The following LARP1 variants were observed in gnomAD, a reference collection of about 807,000 sequenced individuals.
LARP1 encodes the protein La ribonucleoprotein 1, translational regulator.
A neutral mutation model predicts 122.7 loss-of-function variants in LARP1; 36 were observed. That is an observed-to-expected ratio of 0.29 (90% CI 0.22 to 0.39). The LOEUF (loss-of-function observed/expected upper bound fraction) is 0.39. Among genes scored for constraint, LARP1 ranks in the 10% least tolerant of loss-of-function variants. LARP1 has a pLI of 1.00. For synonymous variants in LARP1, 539 were observed against 528.7 expected, an observed-to-expected ratio of 1.02 and a Z score of -0.27; for missense variants, 1,040 against 1,403.6, an observed-to-expected ratio of 0.74 and a Z score of 4.14.
chr5:154,705,032 T>C (rs4958387), intron 1 of LARP1, among the ~76,000 whole-genome samples: 112,990 of 150,268 alleles, frequency 0.75, 42,818 homozygotes, highest in African/African-American at 0.86. Flanking sequence ...GAAGGAGAAT[T>C]ATGTGAACCT....
intron 16 of LARP1, among the ~76,000 whole-genome samples, chr5:154,810,038 C>T (rs1378399205): frequency 6.6e-6 from 1 of 152,112 alleles, no homozygotes; most frequent in Non-Finnish European, 1.5e-5. Flanking sequence ...TATATTACTC[C>T]ATTGTATAGA....
At chr5:154,704,373 G>A (rs113575886) in intron 1 of LARP1, among the ~76,000 whole-genome samples, 3,464 of 152,230 alleles carry the variant, frequency 0.023, 133 homozygotes, top group African/African-American at 0.078. Context: ...CAGGCTGGGC[G>A]TGGTGGCTCA....
chr5:154,704,850 G>T (rs1005418140), intron 1 of LARP1, among the ~76,000 whole-genome samples: 1 of 152,088 alleles, frequency 6.6e-6, no homozygotes, highest in African/African-American at 2.4e-5. Flanking sequence ...GGGCATAGTG[G>T]CTCACGCCTG....
chr5:154,700,539 A>G (rs929990636), intron 1 of LARP1, among the ~76,000 whole-genome samples: 1 of 152,128 alleles, frequency 6.6e-6, no homozygotes, highest in African/African-American at 2.4e-5. Flanking sequence ...CTCAAATGAA[A>G]TAAAATATTG....
At position 154,811,572 on chromosome 5, in the gene LARP1, T is replaced by A. The variant is rs1295716070; in HGVS notation, c.3013T>A (p.Leu1005Met). 6.2e-7 allele frequency: 1 copy of A among 1,614,156 alleles called. No homozygotes were observed. Among genetic ancestry groups the A allele is most frequent in the Non-Finnish European group, 8.5e-7 (1 of 1,180,036 alleles). ...AFLKYSKAKN[L>M]DIDPKLQEYL... is the part of the protein sequence containing the mutation. ...CTTGAAATATTCCAAAGCCAAAAAT[T>A]TGGACATTGACCCCAAACTGCAAGA... Residue 1005 changes from leucine (L) to methionine (M), a missense_variant, in exon 18 of 19, where the codon TTG (leucine) becomes ATG (methionine). Coordinates refer to ENST00000518297, the MANE Select transcript of LARP1 (RefSeq NM_033551.3).
chr5:154,788,646 G>T (rs901438867), intron 1 of LARP1, among the ~76,000 whole-genome samples: 1 of 151,990 alleles, frequency 6.6e-6, no homozygotes, highest in Non-Finnish European at 1.5e-5. Flanking sequence ...GTGGGTTTCT[G>T]GGGGAGGAAG....
intron 1 of LARP1, among the ~76,000 whole-genome samples, chr5:154,724,910 G>A (rs940578879): frequency 1.3e-5 from 2 of 152,070 alleles, no homozygotes; most frequent in Non-Finnish European, 2.9e-5. Context: ...CAAGTGATCT[G>A]CCCACCTTGG....
intron 1 of LARP1, among the ~76,000 whole-genome samples, chr5:154,741,071 C>T (rs1006347211): frequency 2.0e-5 from 3 of 152,098 alleles, no homozygotes; most frequent in African/African-American, 4.8e-5. Context: ...GTCCCCAGTC[C>T]AGGGACTGGG....
At chr5:154,768,559 A>AT (rs1296650951) in intron 1 of LARP1, among the ~76,000 whole-genome samples, 5 of 152,062 alleles carry the variant, frequency 3.3e-5, no homozygotes, top group African/African-American at 1.2e-4. Flanking sequence ...TATGTACCCT[A>AT]TTTTTTATTT....
intron 8 of LARP1, among the ~76,000 whole-genome samples, chr5:154,795,696 G>C (rs910093711): frequency 1.3e-5 from 2 of 150,550 alleles, no homozygotes; most frequent in Non-Finnish European, 2.9e-5. Context: ...CTAAAAGATA[G>C]ACTTGTTAAA....
intron 8 of LARP1, among the ~76,000 whole-genome samples, chr5:154,796,889 G>A (rs1362714661): frequency 6.6e-6 from 1 of 152,162 alleles, no homozygotes; most frequent in Non-Finnish European, 1.5e-5. Context: ...TTTCATAGGT[G>A]ACCAGTGAGA....
At chr5:154,794,518 C>T (rs1225358196) in intron 7 of LARP1, among the ~76,000 whole-genome samples, 2 of 152,132 alleles carry the variant, frequency 1.3e-5, no homozygotes, top group South Asian at 4.1e-4. Flanking sequence ...TAGAATCTAC[C>T]CCCTTCTGTT....
At chr5:154,744,534 C>T (rs896524125) in intron 1 of LARP1, among the ~76,000 whole-genome samples, 6 of 144,416 alleles carry the variant, frequency 4.2e-5, no homozygotes, top group African/African-American at 1.3e-4. Flanking sequence ...CAAAATGTGT[C>T]TGTGGGCTGA....
chr5:154,815,664 G>A lies in LARP1; in HGVS notation c.*1568G>A, dbSNP rs1341070191. ...GCCTGGGAACAAGGGATGAGGAGGA[G>A]TTGGGGGCTGGGGGGAATCCTGCCA... On this transcript the variant is annotated 3_prime_UTR_variant, in exon 19 of 19. Transcript: ENST00000518297. 1 of 152,804 alleles carries A rather than the reference G, an allele frequency of 6.5e-6. No homozygotes were observed. The highest frequency in any genetic ancestry group is 2.4e-5 in the African/African-American group (1 of 41,480). 9.5% of individuals were successfully genotyped at this position (152,804 alleles called of 1,614,324 possible). A position where few individuals can be genotyped will look rare whatever the true frequency, so the allele number is the denominator to read the frequency against.
intron 1 of LARP1, among the ~76,000 whole-genome samples, chr5:154,740,030 C>A (rs1353894864): frequency 6.7e-6 from 1 of 148,500 alleles, no homozygotes; most frequent in Non-Finnish European, 1.5e-5. Flanking sequence ...GAGACCTTGT[C>A]TCTAAAAATG....
chr5:154,683,657 T>C (rs180732292), intron 1 of LARP1, among the ~76,000 whole-genome samples: 12 of 152,308 alleles, frequency 7.9e-5, no homozygotes, highest in Admixed American at 6.5e-4. Context: ...ACCCCATTCA[T>C]ATTTTACATG....
chr5:154,710,742 C>CAAA (rs35253134), upstream of LARP1, among the ~76,000 whole-genome samples: 40 of 92,364 alleles, frequency 4.3e-4, no homozygotes, highest in African/African-American at 9.8e-4. Flanking sequence ...GACTCCATCT[C>CAAA]AAAAAAAAAA....
intron 1 of LARP1, among the ~76,000 whole-genome samples, chr5:154,727,807 C>T (rs1024388862): frequency 6.6e-6 from 1 of 152,062 alleles, no homozygotes; most frequent in African/African-American, 2.4e-5. Context: ...AGAAATCTTG[C>T]CTGTAATCCC....
intron 1 of LARP1, among the ~76,000 whole-genome samples, chr5:154,770,553 A>G (rs1029284104): frequency 6.6e-6 from 1 of 152,090 alleles, no homozygotes; most frequent in African/African-American, 2.4e-5. Context: ...ATGAGAGAAT[A>G]GCCTGAGACA....
Sources: allele counts gnomAD v4.1 joint callset (sites outside exome capture counted in the v4.1 genomes callset), GRCh38; gene constraint gnomAD v4.1.1; transcripts MANE v1.5; gene names NCBI Gene and HGNC (gene_info 2026-07-23, HGNC 2026-07-21).